Variants in ABL2 observed in about 807,000 individuals in gnomAD.
The protein encoded by ABL2 is tyrosine-protein kinase ABL2.
ABL2 carries 49 observed loss-of-function variants against 107.7 expected under a neutral mutation model. The ratio of observed to expected loss-of-function variants is 0.45; its 90% CI spans 0.36 to 0.58. The LOEUF (loss-of-function observed/expected upper bound fraction) is 0.58. Among genes scored for constraint, ABL2 ranks in the 20% least tolerant of loss-of-function variants. ABL2 has a pLI of 0.00. For synonymous variants in ABL2, 549 were observed against 548.6 expected (o/e 1.00, Z -0.01); for missense variants, 1,245 against 1,457.0 (o/e 0.85, Z 2.37).
chr1:179,131,508 T>G, intron 2 of ABL2, 27 bp from the exon 3 acceptor site: 1 of 1,607,894 alleles, frequency 6.2e-7, no homozygotes, highest in Non-Finnish European at 8.5e-7. Flanking sequence ...GGGAAGGGAA[T>G]TCACGGTGAG....
At chr1:179,168,954 T>G (rs919993293) in intron 1 of ABL2, among the ~76,000 whole-genome samples, 1 of 152,172 alleles carries the variant, frequency 6.6e-6, no homozygotes, top group Non-Finnish European at 1.5e-5. Flanking sequence ...AGTCAAGACT[T>G]GCATTTCTCC....
At chr1:179,149,393 G>A (rs1190130347) in intron 1 of ABL2, among the ~76,000 whole-genome samples, 1 of 152,242 alleles carries the variant, frequency 6.6e-6, no homozygotes, top group Non-Finnish European at 1.5e-5. Context: ...ACAAGGTGAA[G>A]CAGCAAGTGC....
intron 1 of ABL2, among the ~76,000 whole-genome samples, chr1:179,218,607 G>A (rs1662710083): frequency 1.3e-5 from 2 of 152,202 alleles, no homozygotes; most frequent in South Asian, 4.1e-4. Context: ...ATGTAGGCCA[G>A]GAGGATGGTC....
chr1:179,215,818 T>G (rs1028714852), intron 1 of ABL2, among the ~76,000 whole-genome samples: 2 of 152,150 alleles, frequency 1.3e-5, no homozygotes, highest in Non-Finnish European at 2.9e-5. Context: ...CAAATTGTAC[T>G]TGTTAGTATT....
chr1:179,103,305 C>T lies in ABL2; in HGVS notation c.*4413G>A, dbSNP rs968272331. On this transcript the variant is annotated 3_prime_UTR_variant, in exon 12 of 12. Coordinates refer to ENST00000502732, the MANE Select transcript of ABL2 (RefSeq NM_007314.4). Reference sequence around the variant, plus strand: ...TGATAAATGACAGAGGTGATTCTTACGTATCTACATTTTCAGGTACCCCAC... The same window carrying T: ...TGATAAATGACAGAGGTGATTCTTATGTATCTACATTTTCAGGTACCCCAC... The T allele has an allele frequency of 1.5e-5, 3 of 206,500 alleles. No individual in the cohort carries two copies. The highest frequency in any genetic ancestry group is 5.9e-5 in the Admixed American group (1 of 16,834). The allele number at this position is 206,500 out of a possible 1,614,324, so 12.8% of individuals were successfully genotyped here.
chr1:179,219,828 T>A (rs983322573), intron 1 of ABL2, among the ~76,000 whole-genome samples: 1 of 152,252 alleles, frequency 6.6e-6, no homozygotes, highest in African/African-American at 2.4e-5. Flanking sequence ...CACTTTGGCA[T>A]GCCATCACAA....
intron 1 of ABL2, among the ~76,000 whole-genome samples, chr1:179,213,330 T>C (rs1199570717): frequency 1.3e-5 from 2 of 152,000 alleles, no homozygotes; most frequent in Non-Finnish European, 2.9e-5. Context: ...ATTTTTGTCT[T>C]TTTTTTTCTT....
intron 9 of ABL2, among the ~76,000 whole-genome samples, chr1:179,112,719 A>G (rs1654207247): frequency 6.7e-6 from 1 of 149,636 alleles, no homozygotes; most frequent in Non-Finnish European, 1.5e-5. Context: ...CTCCCCAAGT[A>G]GCTGGGACTA....
At chr1:179,206,766 C>A (rs1479775670) in intron 1 of ABL2, among the ~76,000 whole-genome samples, 2 of 151,924 alleles carry the variant, frequency 1.3e-5, no homozygotes, top group African/African-American at 4.8e-5. Context: ...ATGTACTGAC[C>A]CTTCAATAAA....
chr1:179,133,391 T>G lies in ABL2; in HGVS notation c.158-17A>C. 6.2e-7 allele frequency: 1 copy of G among 1,614,096 alleles called. No individual in the cohort carries two copies. The highest frequency in any genetic ancestry group is 1.3e-5 in the African/African-American group (1 of 75,028). On this transcript the variant is annotated splice_polypyrimidine_tract_variant and intron_variant, in intron 1 of 11. Transcript: ENST00000502732. ...CAAAGTGATCTATTTAAGAAAAAAA[T>G]TGACCACGTCACTTTTCTTAAGCTT...
intron 1 of ABL2, among the ~76,000 whole-genome samples, chr1:179,213,046 C>CAG (rs1662367200): frequency 1.2e-5 from 1 of 81,272 alleles, no homozygotes; most frequent in Admixed American, 1.3e-4. Context: ...AACTCCGTCT[C>CAG]AAAAAAAAAA....
intron 1 of ABL2, among the ~76,000 whole-genome samples, chr1:179,223,527 T>C: frequency 6.6e-6 from 1 of 152,014 alleles, no homozygotes; most frequent in Admixed American, 6.6e-5. Context: ...TACTGCCAAG[T>C]GGGCTATGAG....
intron 1 of ABL2, among the ~76,000 whole-genome samples, chr1:179,154,448 G>A (rs1009921603): frequency 2.0e-5 from 3 of 152,166 alleles, no homozygotes; most frequent in South Asian, 2.1e-4. Context: ...TATTATATTC[G>A]GAAACTCTGA....
At chr1:179,212,481 A>C (rs959907791) in intron 1 of ABL2, among the ~76,000 whole-genome samples, 9 of 152,158 alleles carry the variant, frequency 5.9e-5, no homozygotes, top group Non-Finnish European at 1.0e-4. Flanking sequence ...ACCTGTAATC[A>C]CAGCACTTTG....
In ABL2 at chr1:179,108,658, G is replaced by A. The variant is rs2102576701; in HGVS notation, c.2609C>T (p.Ala870Val). 6.2e-7 allele frequency: 1 copy of A among 1,614,180 alleles called. No homozygotes were observed. Among genetic ancestry groups the A allele is most frequent in the Non-Finnish European group, 8.5e-7 (1 of 1,180,032 alleles). The part of the protein sequence containing the change: ...LPLRTPSGDL[A>V]ITEKDPPGVG... ...CCCTGGAGGGTCCTTCTCTGTAATG[G>A]CTAGATCCCCAGAGGGTGTTCTGAG... Residue 870 changes from alanine (A) to valine (V), a missense_variant, in exon 12 of 12, where the codon GCC becomes GTC. Ala to Val is a moderately conservative substitution (Grantham distance 64). This residue lies in a region of ABL2 where 761 missense variants were observed against 766.4 expected (regional missense o/e 0.99). Coordinates refer to ENST00000502732, the MANE Select transcript of ABL2 (RefSeq NM_007314.4).
At position 179,107,650 on chromosome 1, in the gene ABL2, A is replaced by T; in HGVS notation, c.*68T>A. ...TCTTTCATTTTCTGAAAACAAGAAC[A>T]CAGGAAAACAAGTCCTTTTCCCTCT... On this transcript the variant is annotated 3_prime_UTR_variant, in exon 12 of 12. Coordinates refer to ENST00000502732, the MANE Select transcript of ABL2 (RefSeq NM_007314.4). The T allele has an allele frequency of 6.6e-7, 1 of 1,522,876 alleles. No individual in the cohort carries two copies. The highest frequency in any genetic ancestry group is 2.3e-5 in the East Asian group (1 of 44,092). 94.3% of individuals were successfully genotyped at this position (1,522,876 alleles called of 1,614,324 possible).
rs368888564 is a variant in ABL2 at position 179,126,446 on chromosome 1, C to T, written c.618G>A (p.Gln206=). The T allele has an allele frequency of 1.7e-5, 28 of 1,614,096 alleles. No individual in the cohort carries two copies. The highest frequency in any genetic ancestry group is 3.3e-5 in the South Asian group (3 of 91,090). Residue 206 remains glutamine (Q), a synonymous_variant, in exon 4 of 12, where the codon CAG becomes CAA. Coordinates refer to ENST00000502732, the MANE Select transcript of ABL2 (RefSeq NM_007314.4). This position sits in a 1 kb window ranked among gnomAD's most constrained non-coding sequence, Gnocchi z 4.4. Reference sequence around the variant, plus strand: ...CCTCGTACCTGAGCGAGATGGACAGCTGCCCAGGGCTACTCTCACTTTCTC... The same window carrying T: ...CCTCGTACCTGAGCGAGATGGACAGTTGCCCAGGGCTACTCTCACTTTCTC... ...LVRESESSPG[Q]LSISLRYEGR...
intron 1 of ABL2, among the ~76,000 whole-genome samples, chr1:179,203,397 TA>T (rs1661778963): frequency 6.6e-6 from 1 of 152,172 alleles, no homozygotes; most frequent in Non-Finnish European, 1.5e-5. Context: ...AACCAGTTAG[TA>T]TGCACCATCA....
chr1:179,134,808 T>G (rs758498914), intron 1 of ABL2, among the ~76,000 whole-genome samples: 3 of 152,138 alleles, frequency 2.0e-5, no homozygotes, highest in Non-Finnish European at 2.9e-5. Context: ...TGCTGCCATC[T>G]CGGCTCACTG....
Sources: allele counts gnomAD v4.1 joint callset (sites outside exome capture counted in the v4.1 genomes callset), GRCh38; gene constraint gnomAD v4.1.1; regional missense constraint gnomAD v4.1.1; non-coding constraint Gnocchi (gnomAD v3.1); transcripts MANE v1.5; gene names NCBI Gene and HGNC (gene_info 2026-07-23, HGNC 2026-07-21).